The following PHACTR1 variants were observed in gnomAD, a reference collection of about 807,000 sequenced individuals.
PHACTR1 encodes phosphatase and actin regulator 1, also known as RPEL repeat containing 1.
PHACTR1 carries 16 observed loss-of-function variants against 69.2 expected under a neutral mutation model. That is an observed-to-expected ratio of 0.23 (90% confidence interval 0.16 to 0.35). The LOEUF (loss-of-function observed/expected upper bound fraction) is 0.35. Ranked by LOEUF, PHACTR1 falls within the 10% of genes least tolerant of loss-of-function variation. The probability of loss-of-function intolerance (pLI) is 1.00; values close to 1 mark genes in which losing one functional copy is unlikely to be tolerated. For synonymous variants in PHACTR1, 312 were observed against 284.5 expected (o/e 1.10, Z -0.97); for missense variants, 510 against 734.7 (o/e 0.69, Z 3.54).
At chr6:12,882,934 T>C (rs1049633326) in intron 4 of PHACTR1, among the ~76,000 whole-genome samples, 1 of 152,192 alleles carries the variant, frequency 6.6e-6, no homozygotes, top group Non-Finnish European at 1.5e-5. Flanking sequence ...GGAGAAGTGA[T>C]TAATGGGGCT....
chr6:13,231,288 AAGAG>A (rs373510419), intron 10 of PHACTR1, among the ~76,000 whole-genome samples: 995 of 56,708 alleles, frequency 0.018, 111 homozygotes, highest in African/African-American at 0.043. Context: ...AGGAAAGAGA[AAGAG>A]AGAGCGAAAG....
At chr6:12,730,944 T>C (rs779012305) in intron 3 of PHACTR1, among the ~76,000 whole-genome samples, 14 of 152,186 alleles carry the variant, frequency 9.2e-5, no homozygotes, top group African/African-American at 2.7e-4. Context: ...CTTATGGCTG[T>C]GGTACATATA....
chr6:12,732,561 G>A (rs1044768148), intron 3 of PHACTR1, among the ~76,000 whole-genome samples: 1 of 151,942 alleles, frequency 6.6e-6, no homozygotes, highest in African/African-American at 2.4e-5. Flanking sequence ...TCACTCATGA[G>A]TAAGAACGTA....
chr6:13,010,730 A>G (rs772344419), intron 4 of PHACTR1, among the ~76,000 whole-genome samples: 6 of 152,068 alleles, frequency 3.9e-5, no homozygotes. Context: ...AGTGTATCCT[A>G]AATAAGGGAT....
At chr6:12,948,745 A>G (rs1047600825) in intron 4 of PHACTR1, among the ~76,000 whole-genome samples, 1 of 152,118 alleles carries the variant, frequency 6.6e-6, no homozygotes, top group East Asian at 1.9e-4. Flanking sequence ...AGGTTTTTTT[A>G]TGTGTTCATC....
At chr6:13,207,518 C>T (rs566066457) in intron 8 of PHACTR1, among the ~76,000 whole-genome samples, 1 of 152,344 alleles carries the variant, frequency 6.6e-6, no homozygotes, top group South Asian at 2.1e-4. Flanking sequence ...ACGACCCTAA[C>T]TCCTCACCAC....
At chr6:12,736,697 A>G (rs2127579204) in intron 3 of PHACTR1, among the ~76,000 whole-genome samples, 1 of 152,286 alleles carries the variant, frequency 6.6e-6, no homozygotes, top group African/African-American at 2.4e-5. Context: ...TTTTACAATC[A>G]CTTTTTAACT....
intron 4 of PHACTR1, among the ~76,000 whole-genome samples, chr6:12,883,503 C>A (rs974887629): frequency 6.6e-6 from 1 of 151,480 alleles, no homozygotes; most frequent in African/African-American, 2.4e-5. Flanking sequence ...GTGTGAGCCA[C>A]CGTGCCCGTC....
chr6:13,051,340 T>C (rs1805912169), intron 4 of PHACTR1, among the ~76,000 whole-genome samples: 1 of 152,346 alleles, frequency 6.6e-6, no homozygotes, highest in South Asian at 2.1e-4. Context: ...GGGCATACAA[T>C]ACATTTTGGT....
At chr6:12,961,459 T>C (rs534836682) in intron 4 of PHACTR1, among the ~76,000 whole-genome samples, 40 of 152,298 alleles carry the variant, frequency 2.6e-4, no homozygotes, top group African/African-American at 9.4e-4. Flanking sequence ...GTTTCTTCAC[T>C]TAGAAAATAG....
At chr6:13,041,930 T>C (rs1804243331) in intron 4 of PHACTR1, among the ~76,000 whole-genome samples, 1 of 152,300 alleles carries the variant, frequency 6.6e-6, no homozygotes, top group East Asian at 1.9e-4. Flanking sequence ...CCTTTAACTA[T>C]AGAATGGTAC....
At chr6:13,276,976 C>T (rs560905594) in intron 11 of PHACTR1, among the ~76,000 whole-genome samples, 9 of 152,272 alleles carry the variant, frequency 5.9e-5, no homozygotes, top group Admixed American at 2.6e-4. Context: ...CCAAAATCAA[C>T]GTGTTTCCTT....
In PHACTR1 at chr6:12,810,142, C is replaced by T. The variant is rs149804692; in HGVS notation, c.250+60352C>T. Among the ~76,000 whole-genome samples, 639 of 152,264 alleles carry T rather than the reference C, an allele frequency of 4.2e-3. 4 individuals carry two copies. Among genetic ancestry groups the T allele is most frequent in the African/African-American group, 0.015 (613 of 41,544 alleles). On this transcript the variant is annotated intron_variant, in intron 4 of 14. Transcript: ENST00000332995. ...AACGAAATTAATCAAATGAAATCTA[C>T]GTAGGTTGAAAATGAAATGTCACCT... is the stretch of plus-strand genomic sequence containing the variant.
intron 5 of PHACTR1, among the ~76,000 whole-genome samples, chr6:13,077,406 G>T (rs770893584): frequency 6.6e-6 from 1 of 152,192 alleles, no homozygotes; most frequent in Non-Finnish European, 1.5e-5. Context: ...CACAGCTACA[G>T]TCCTTGCAGA....
intron 4 of PHACTR1, among the ~76,000 whole-genome samples, chr6:12,809,975 A>C (rs955613998): frequency 1.3e-5 from 2 of 152,206 alleles, no homozygotes; most frequent in Non-Finnish European, 2.9e-5. Context: ...CTAGGACTCT[A>C]ATACTAGGAG....
chr6:13,007,288 T>C (rs1582934332), intron 4 of PHACTR1, among the ~76,000 whole-genome samples: 1 of 152,150 alleles, frequency 6.6e-6, no homozygotes, highest in Non-Finnish European at 1.5e-5. Context: ...TGTCTAAATC[T>C]GCCAAAAAGA....
chr6:13,166,511 A>G (rs1226574750), intron 6 of PHACTR1, among the ~76,000 whole-genome samples: 2 of 152,202 alleles, frequency 1.3e-5, no homozygotes, highest in Non-Finnish European at 2.9e-5. Context: ...TAATTTCTGC[A>G]TGTTCACATG....
At position 13,283,973 on chromosome 6, in the gene PHACTR1, A is replaced by G. The variant is rs1180025987; in HGVS notation, c.1650+411A>G. The G allele has an allele frequency of 1.1e-5, 2 of 185,246 alleles. No homozygotes were observed. The highest frequency in any genetic ancestry group is 2.3e-5 in the Non-Finnish European group (2 of 87,966). 11.5% of individuals were successfully genotyped at this position (185,246 alleles called of 1,614,324 possible). A position where few individuals can be genotyped will look rare whatever the true frequency, so the allele number is the denominator to read the frequency against. On this transcript the variant is annotated intron_variant, in intron 13 of 14. Coordinates refer to ENST00000332995, the MANE Select transcript of PHACTR1 (RefSeq NM_030948.6). This position sits in a 1 kb window ranked among gnomAD's most constrained non-coding sequence, Gnocchi z 4.7. Reference sequence around the variant, plus strand: ...GAAGACAAAGTAGACGCATAACCCCAGGAGGGAAATAGGGCATAAATCAAA... The same window carrying G: ...GAAGACAAAGTAGACGCATAACCCCGGGAGGGAAATAGGGCATAAATCAAA...
At chr6:13,041,029 C>T (rs941782840) in intron 4 of PHACTR1, among the ~76,000 whole-genome samples, 20 of 152,064 alleles carry the variant, frequency 1.3e-4, no homozygotes, top group African/African-American at 4.8e-4. Flanking sequence ...AACACTAAAT[C>T]AAATGTGAAT....
Sources: allele counts gnomAD v4.1 joint callset (sites outside exome capture counted in the v4.1 genomes callset), GRCh38; gene constraint gnomAD v4.1.1; non-coding constraint Gnocchi (gnomAD v3.1); transcripts MANE v1.5; gene names NCBI Gene and HGNC (gene_info 2026-07-23, HGNC 2026-07-21).